The following GPHN variants were observed in gnomAD, a reference collection of about 807,000 sequenced individuals.
GPHN encodes gephyrin.
In GPHN, 17 loss-of-function variants were observed where a neutral mutation model predicts 95.5. The observed-to-expected ratio is 0.18, with a 90% CI of 0.12 to 0.27. The LOEUF is 0.27. GPHN is among the 10% of genes least tolerant of loss of function. GPHN has a pLI of 1.00. For synonymous variants in GPHN, 320 were observed against 322.5 expected (o/e 0.99, Z 0.08); for missense variants, 660 against 978.1 (o/e 0.67, Z 4.34).
At chr14:66,878,404 G>A (rs1356247666) in intron 4 of GPHN, among the ~76,000 whole-genome samples, 4 of 152,108 alleles carry the variant, frequency 2.6e-5, no homozygotes, top group African/African-American at 9.7e-5. Flanking sequence ...CACAGCAAAA[G>A]AAATGATTAT....
intron 2 of GPHN, among the ~76,000 whole-genome samples, chr14:66,721,951 C>CAAAAA (rs35174343): frequency 1.7e-5 from 1 of 60,100 alleles, no homozygotes; most frequent in Non-Finnish European, 4.1e-5. Context: ...AACTCTGTCT[C>CAAAAA]AAAAAAAAAA....
At chr14:66,603,976 A>C (rs1003856108) in intron 1 of GPHN, among the ~76,000 whole-genome samples, 7 of 152,138 alleles carry the variant, frequency 4.6e-5, no homozygotes, top group African/African-American at 1.4e-4. Flanking sequence ...CCACTATGAC[A>C]AAATATGTCT....
At chr14:66,985,779 T>C in intron 9 of GPHN, 4 of 1,127,480 alleles carry the variant, frequency 3.5e-6, no homozygotes, top group Non-Finnish European at 5.1e-6. Context: ...ATTTCGTCTA[T>C]AGCCTACACT....
the GPHN span, among the ~76,000 whole-genome samples, chr14:67,713,055 C>G: frequency 6.6e-6 from 1 of 151,946 alleles, no homozygotes; most frequent in Admixed American, 6.6e-5. Flanking sequence ...AGGAAAAAGA[C>G]TGAAACAACA....
At chr14:67,135,849 G>C (rs898272250) in intron 17 of GPHN, among the ~76,000 whole-genome samples, 2 of 151,724 alleles carry the variant, frequency 1.3e-5, no homozygotes, top group Non-Finnish European at 2.9e-5. Flanking sequence ...CTCTTGCTCT[G>C]TCTTCTTATT....
intron 13 of GPHN, among the ~76,000 whole-genome samples, chr14:67,102,016 C>T (rs1037337331): frequency 6.6e-6 from 1 of 151,960 alleles, no homozygotes; most frequent in Non-Finnish European, 1.5e-5. Context: ...GGACTACAGG[C>T]ACCCGCCACC....
At chr14:67,067,893 C>T (rs781471548) in intron 11 of GPHN, among the ~76,000 whole-genome samples, 5 of 152,222 alleles carry the variant, frequency 3.3e-5, no homozygotes, top group Non-Finnish European at 7.3e-5. Context: ...GGAAATCCCC[C>T]AACCCCTTGC....
chr14:66,744,924 G>A (rs2058080480), intron 2 of GPHN, among the ~76,000 whole-genome samples: 1 of 152,032 alleles, frequency 6.6e-6, no homozygotes, highest in Non-Finnish European at 1.5e-5. Context: ...TAAATCCTGA[G>A]GGGTAAGGAA....
intron 5 of GPHN, among the ~76,000 whole-genome samples, chr14:66,895,591 CAG>C (rs747761608): frequency 1.3e-5 from 2 of 151,872 alleles, no homozygotes; most frequent in Non-Finnish European, 2.9e-5. Flanking sequence ...ATACTTGAAA[CAG>C]AAGATACTAG....
intron 4 of GPHN, among the ~76,000 whole-genome samples, chr14:66,879,528 T>C (rs1187064288): frequency 1.3e-5 from 2 of 152,082 alleles, no homozygotes; most frequent in African/African-American, 4.8e-5. Context: ...AGGAGAGATA[T>C]GGATTATCTC....
the GPHN span, among the ~76,000 whole-genome samples, chr14:67,501,762 C>T: frequency 2.0e-5 from 3 of 152,142 alleles, no homozygotes; most frequent in Non-Finnish European, 4.4e-5. Context: ...ATTCAGAATT[C>T]TAAAGATTTT....
the GPHN span, among the ~76,000 whole-genome samples, chr14:67,602,630 C>T: frequency 6.6e-6 from 1 of 152,136 alleles, no homozygotes; most frequent in African/African-American, 2.4e-5. Context: ...ATCAGTGTTT[C>T]ATTTTTAGTT....
the GPHN span, among the ~76,000 whole-genome samples, chr14:67,543,068 G>C: frequency 2.6e-5 from 4 of 152,218 alleles, no homozygotes; most frequent in African/African-American, 9.6e-5. Flanking sequence ...AACCCATCTA[G>C]AGAGTGAAGA....
the GPHN span, chr14:67,593,950 G>C: frequency 1.2e-6 from 2 of 1,605,390 alleles, no homozygotes; most frequent in Non-Finnish European, 1.7e-6. Context: ...GGATCATGCT[G>C]TTCTGAAGAG....
At chr14:67,215,513 AAACAAC>A in the GPHN span, among the ~76,000 whole-genome samples, 13 of 151,146 alleles carry the variant, frequency 8.6e-5, no homozygotes, top group African/African-American at 2.9e-4. Flanking sequence ...AAAGATTAAA[AAACAAC>A]AACAACAACA....
the GPHN span, among the ~76,000 whole-genome samples, chr14:67,375,875 G>C: frequency 3.3e-5 from 5 of 152,136 alleles, no homozygotes; most frequent in Admixed American, 1.3e-4. Flanking sequence ...TTGTTAAAAT[G>C]AGTGTGTTAA....
chr14:66,852,303 CTTT>C (rs2062615523), intron 4 of GPHN, among the ~76,000 whole-genome samples: 1 of 152,174 alleles, frequency 6.6e-6, no homozygotes, highest in South Asian at 2.1e-4. Flanking sequence ...ATGGCTTTCT[CTTT>C]TGTTGTTTCA....
At chr14:67,125,856 T>C (rs1567369673) in intron 17 of GPHN, among the ~76,000 whole-genome samples, 2 of 152,144 alleles carry the variant, frequency 1.3e-5, no homozygotes, top group South Asian at 2.1e-4. Context: ...GCTCTATTTG[T>C]ATCATTAAAA....
the GPHN span, among the ~76,000 whole-genome samples, chr14:67,641,768 C>T: frequency 6.6e-6 from 1 of 152,024 alleles, no homozygotes; most frequent in African/African-American, 2.4e-5. Flanking sequence ...AGCAAGACCC[C>T]ATTTCTACAA....
Sources: allele counts gnomAD v4.1 joint callset (sites outside exome capture counted in the v4.1 genomes callset), GRCh38; gene constraint gnomAD v4.1.1; transcripts MANE v1.5; gene names NCBI Gene and HGNC (gene_info 2026-07-23, HGNC 2026-07-21).